SNTB1: variants seen among roughly 807,000 people sequenced by gnomAD.
The protein encoded by SNTB1 is beta-1-syntrophin.
A neutral mutation model predicts 48.9 loss-of-function variants in SNTB1; 36 were observed. That is an observed-to-expected ratio of 0.74 (90% CI 0.56 to 0.97). SNTB1 has a LOEUF of 0.97. Ranked by LOEUF, SNTB1 falls within the 50% of genes least tolerant of loss-of-function variation. The pLI is 0.00. For synonymous variants in SNTB1, 299 were observed against 294.6 expected, an observed-to-expected ratio of 1.01 and a Z score of -0.15; for missense variants, 786 against 703.4, an observed-to-expected ratio of 1.12 and a Z score of -1.33.
At chr8:120,762,950 T>C (rs1819447573) in intron 1 of SNTB1, among the ~76,000 whole-genome samples, 1 of 152,174 alleles carries the variant, frequency 6.6e-6, no homozygotes, top group African/African-American at 2.4e-5. Context: ...AAGAATCCTA[T>C]GTAGTAGGTA....
chr8:120,562,715 A>G (rs1815680717), intron 4 of SNTB1, among the ~76,000 whole-genome samples: 2 of 152,134 alleles, frequency 1.3e-5, no homozygotes, highest in Admixed American at 1.3e-4. Context: ...CTTTCTAGTG[A>G]AAAGAATTCC....
chr8:120,670,804 C>T (rs1247363104), intron 2 of SNTB1, among the ~76,000 whole-genome samples: 1 of 152,184 alleles, frequency 6.6e-6, no homozygotes, highest in Non-Finnish European at 1.5e-5. Context: ...CCTAGCAGCT[C>T]TTCATCATTC....
chr8:120,670,399 A>G (rs1817740224), intron 2 of SNTB1, among the ~76,000 whole-genome samples: 2 of 152,202 alleles, frequency 1.3e-5, no homozygotes, highest in African/African-American at 4.8e-5. Flanking sequence ...GGTTTCTCAG[A>G]AGAACAATAT....
chr8:120,598,956 T>G (rs965782557), intron 3 of SNTB1, among the ~76,000 whole-genome samples: 3 of 152,120 alleles, frequency 2.0e-5, no homozygotes, highest in Admixed American at 2.0e-4. Context: ...TAGGACCCAG[T>G]GAAATAATGC....
At chr8:120,747,115 G>C (rs1050618114) in intron 1 of SNTB1, among the ~76,000 whole-genome samples, 1 of 151,944 alleles carries the variant, frequency 6.6e-6, no homozygotes, top group Non-Finnish European at 1.5e-5. Context: ...TATATCACAT[G>C]GTCTTATTTA....
chr8:120,766,210 C>G (rs1038541889), intron 1 of SNTB1, among the ~76,000 whole-genome samples: 5 of 151,956 alleles, frequency 3.3e-5, no homozygotes, highest in African/African-American at 1.2e-4. Flanking sequence ...TCACTTTTAC[C>G]TACATTTCCT....
chr8:120,706,214 G>A (rs776275219), intron 1 of SNTB1, among the ~76,000 whole-genome samples: 5 of 151,930 alleles, frequency 3.3e-5, no homozygotes, highest in African/African-American at 4.8e-5. Context: ...GTCTCTTTTC[G>A]GACTCTCAGA....
At chr8:120,804,932 T>C (rs1434654433) in intron 1 of SNTB1, among the ~76,000 whole-genome samples, 1 of 152,214 alleles carries the variant, frequency 6.6e-6, no homozygotes, top group African/African-American at 2.4e-5. Context: ...CATCTCATAA[T>C]GCCCATAATG....
At chr8:120,718,896 C>G (rs1490146761) in intron 1 of SNTB1, among the ~76,000 whole-genome samples, 1 of 152,162 alleles carries the variant, frequency 6.6e-6, no homozygotes, top group African/African-American at 2.4e-5. Flanking sequence ...GATGCTGTCT[C>G]TTGGCTTGAC....
chr8:120,550,328 G>C lies in SNTB1; in HGVS notation c.1137-1370C>G, dbSNP rs539470794. Among the ~76,000 whole-genome samples the C allele has an allele frequency of 3.3e-5, 5 of 152,068 alleles. No homozygotes were observed. In the South Asian group the frequency reaches 1.0e-3, roughly 32 times the overall value. On this transcript the variant is annotated intron_variant, in intron 4 of 6. Transcript: ENST00000517992. ...AGGCCAAGGCGGGCAGATCACCTGA[G>C]GTCAGAAGTTTGAGACCAGCCTGGC...
chr8:120,630,749 C>T (rs1057163451), intron 3 of SNTB1, among the ~76,000 whole-genome samples: 5 of 152,158 alleles, frequency 3.3e-5, no homozygotes, highest in African/African-American at 1.2e-4. Flanking sequence ...CTGCAAATGA[C>T]TTAGGTGAGG....
chr8:120,680,414 A>G (rs1156921359), intron 2 of SNTB1, among the ~76,000 whole-genome samples: 1 of 152,228 alleles, frequency 6.6e-6, no homozygotes, highest in East Asian at 1.9e-4. Flanking sequence ...TCAACACACT[A>G]GCAATGTCAA....
intron 1 of SNTB1, among the ~76,000 whole-genome samples, chr8:120,788,159 T>C (rs550295943): frequency 3.3e-5 from 5 of 152,256 alleles, no homozygotes; most frequent in African/African-American, 9.6e-5. Flanking sequence ...AATATAGTCT[T>C]TTTTAGGTGA....
intron 1 of SNTB1, among the ~76,000 whole-genome samples, chr8:120,801,533 A>C (rs1820225989): frequency 6.6e-6 from 1 of 152,068 alleles, no homozygotes; most frequent in South Asian, 2.1e-4. Context: ...TGGAATGAAA[A>C]TTTTGCTTCA....
chr8:120,607,206 G>A (rs1043351359), intron 3 of SNTB1, among the ~76,000 whole-genome samples: 21 of 152,008 alleles, frequency 1.4e-4, no homozygotes, highest in African/African-American at 5.1e-4. Context: ...ATAAAATGAA[G>A]TACAAATTCA....
At chr8:120,672,101 CTG>C (rs1817767775) in intron 2 of SNTB1, among the ~76,000 whole-genome samples, 1 of 152,122 alleles carries the variant, frequency 6.6e-6, no homozygotes, top group Non-Finnish European at 1.5e-5. Flanking sequence ...ATGAAATAGT[CTG>C]TGTTAGATGA....
Position 120,550,341 on chromosome 8 carries a change from A to C in SNTB1, c.1137-1383T>G, listed in dbSNP as rs557583970. Among the ~76,000 whole-genome samples, 14 of 152,232 alleles carry C rather than the reference A, an allele frequency of 9.2e-5. No individual in the cohort carries two copies. In the South Asian group the frequency reaches 2.9e-3, roughly 32 times the overall value. On this transcript the variant is annotated intron_variant, in intron 4 of 6. Transcript: ENST00000517992. ...CAGATCACCTGAGGTCAGAAGTTTG[A>C]GACCAGCCTGGCCAACATGCGGAAA...
At chr8:120,609,479 A>ACTG (rs1333449389) in intron 3 of SNTB1, among the ~76,000 whole-genome samples, 1 of 152,168 alleles carries the variant, frequency 6.6e-6, no homozygotes, top group African/African-American at 2.4e-5. Flanking sequence ...ATCAGAAGAG[A>ACTG]CTGCTGCTGC....
chr8:120,702,462 C>T (rs534313031), intron 1 of SNTB1, among the ~76,000 whole-genome samples: 21 of 152,138 alleles, frequency 1.4e-4, no homozygotes, highest in Non-Finnish European at 2.5e-4. Context: ...ATGTGGTTTC[C>T]TCCACGTGGA....
Sources: gnomAD v4.1 joint callset for allele counts (sites outside exome capture counted in the v4.1 genomes callset) on GRCh38, gnomAD v4.1.1 for gene constraint, MANE v1.5 for transcripts, NCBI Gene and HGNC (gene_info 2026-07-23, HGNC 2026-07-21) for gene names.